Variants in STAM observed in about 807,000 individuals in gnomAD.
STAM encodes the protein signal transducing adaptor molecule.
A neutral mutation model predicts 63.4 loss-of-function variants in STAM; 16 were observed. The ratio of observed to expected loss-of-function variants is 0.25; its 90% CI spans 0.17 to 0.38. The LOEUF (loss-of-function observed/expected upper bound fraction) is 0.38. Ranked by LOEUF, STAM falls within the 10% of genes least tolerant of loss-of-function variation. The pLI, the probability that STAM is intolerant of heterozygous loss-of-function variation, is 1.00. For missense variants in STAM, 636 were observed against 657.1 expected (o/e 0.97, Z 0.35); for synonymous variants, 238 against 223.9 (o/e 1.06, Z -0.56).
chr10:17,680,643 G>A (rs1554825242), intron 2 of STAM, among the ~76,000 whole-genome samples: 1 of 152,094 alleles, frequency 6.6e-6, no homozygotes, highest in Non-Finnish European at 1.5e-5. Context: ...CTTGGCTGGA[G>A]CAATCCTTCC....
intron 1 of STAM, among the ~76,000 whole-genome samples, chr10:17,659,741 G>T (rs1554822634): frequency 6.6e-6 from 1 of 151,828 alleles, no homozygotes; most frequent in East Asian, 1.9e-4. Flanking sequence ...GGGATTACAG[G>T]CATGAGCCAT....
Position 17,695,181 on chromosome 10 carries a change from C to T in STAM, c.668C>T (p.Ala223Val). 6.2e-7 allele frequency: 1 copy of T among 1,614,016 alleles called. No individual in the cohort carries two copies. The highest frequency in any genetic ancestry group is 1.7e-5 in the Admixed American group (1 of 60,006). Residue 223 changes from alanine (A) to valine (V), a missense_variant, in exon 7 of 14, where the codon GCT (alanine) becomes GTT (valine). By Grantham distance (64) the Ala-to-Val change is moderately conservative. Transcript: ENST00000377524. Reference sequence around the variant, plus strand: ...GTTCGTGCTATATATGACTTTGAAGCTGCTGAAGACAATGAACTTACTTTT... The same window carrying T: ...GTTCGTGCTATATATGACTTTGAAGTTGCTGAAGACAATGAACTTACTTTT... ...RKVRAIYDFE[A>V]AEDNELTFKA... is the part of the protein sequence containing the mutation.
At chr10:17,668,177 C>G (rs1459637435) in intron 2 of STAM, among the ~76,000 whole-genome samples, 2 of 152,150 alleles carry the variant, frequency 1.3e-5, no homozygotes, top group East Asian at 3.9e-4. Context: ...GATCCAGTAG[C>G]TAAAATAATT....
chr10:17,683,238 A>G (rs1451002916), intron 2 of STAM, among the ~76,000 whole-genome samples: 2 of 151,998 alleles, frequency 1.3e-5, no homozygotes, highest in East Asian at 3.9e-4. Context: ...ATCACAGCTC[A>G]CTGCATCCTC....
chr10:17,679,020 G>A (rs558457277), intron 2 of STAM, among the ~76,000 whole-genome samples: 24 of 152,132 alleles, frequency 1.6e-4, no homozygotes, highest in Non-Finnish European at 2.4e-4. Context: ...CCATTCTTTC[G>A]TTGATGGACA....
At chr10:17,705,559 A>G (rs199779874) in intron 11 of STAM, 29 bp from the exon 12 acceptor site, 202 of 1,598,602 alleles carry the variant, frequency 1.3e-4, no homozygotes, top group East Asian at 1.2e-3. Context: ...AGTAACAGCT[A>G]TGCTTCAAAT....
intron 6 of STAM, among the ~76,000 whole-genome samples, chr10:17,693,654 T>C (rs1835638756): frequency 6.6e-6 from 1 of 152,224 alleles, no homozygotes; most frequent in African/African-American, 2.4e-5. Context: ...TCGTGTGATA[T>C]ATCCATTAAC....
chr10:17,702,000 A>G (rs1208094420), intron 9 of STAM, among the ~76,000 whole-genome samples: 2 of 152,218 alleles, frequency 1.3e-5, no homozygotes, highest in Admixed American at 1.3e-4. Context: ...GACCACTGTC[A>G]TTCCATTCCA....
rs1487859661 is a variant in STAM, at chr10:17,687,936, AC to A, written c.298-90del. On this transcript the variant is annotated intron_variant, in intron 4 of 13. Coordinates refer to ENST00000377524, the MANE Select transcript of STAM (RefSeq NM_003473.4). ...CTATGCATAACTTGTGATTCAAAAA[AC>A]ATCACTTAATAACTTTACTATTTAA... The A allele has an allele frequency of 1.5e-5, 17 of 1,127,246 alleles. No homozygotes were observed. In the East Asian group the frequency reaches 2.1e-4, roughly 14 times the overall value. The allele number at this position is 1,127,246 out of a possible 1,614,324, so 69.8% of individuals were successfully genotyped here.
In STAM at chr10:17,663,195, T is replaced by C. The variant is rs79254368; in HGVS notation, c.125+2647T>C. Reference sequence around the variant, plus strand: ...GTAGAGATCAATTTGTTTTTCTTAATGTTAACGTTATTCTCCCAGAAATGT... The same window carrying C: ...GTAGAGATCAATTTGTTTTTCTTAACGTTAACGTTATTCTCCCAGAAATGT... On this transcript the variant is annotated intron_variant, in intron 2 of 13. Transcript: ENST00000377524. Among the ~76,000 whole-genome samples the C allele has an allele frequency of 7.8e-3, 1,194 of 152,298 alleles. 13 individuals carry two copies. The highest frequency in any genetic ancestry group is 0.027 in the African/African-American group (1,130 of 41,572).
rs549594808 is a variant in STAM at position 17,675,386 on chromosome 10, C to A, written c.126-9289C>A. Among the ~76,000 whole-genome samples the A allele has an allele frequency of 1.1e-3, 172 of 151,990 alleles. 3 individuals carry two copies. The highest frequency in any genetic ancestry group is 4.0e-3 in the African/African-American group (166 of 41,424). On this transcript the variant is annotated intron_variant, in intron 2 of 13. Coordinates refer to ENST00000377524, the MANE Select transcript of STAM (RefSeq NM_003473.4). The stretch of plus-strand genomic sequence containing the variant: ...GAGTATGGTAGTGCCTGCCTGTTAT[C>A]TCAGCTACTTGGAAGGCTGAGGTGG...
At chr10:17,693,341 A>G in intron 6 of STAM, 29 bp downstream of exon 6, 2 of 1,534,302 alleles carry the variant, frequency 1.3e-6, no homozygotes, top group Non-Finnish European at 1.8e-6. Flanking sequence ...GATGGTGGGA[A>G]TAACATAAGC....
At chr10:17,664,340 A>G (rs1454976975) in intron 2 of STAM, among the ~76,000 whole-genome samples, 2 of 152,162 alleles carry the variant, frequency 1.3e-5, no homozygotes, top group East Asian at 1.9e-4. Flanking sequence ...AGGATTAAGT[A>G]TACTCACATG....
At chr10:17,660,608 A>G in intron 2 of STAM, 60 bp downstream of exon 2, 1 of 1,379,056 alleles carries the variant, frequency 7.3e-7, no homozygotes, top group Admixed American at 2.0e-5. Flanking sequence ...ACGAAAGGCC[A>G]GGTGCAGTGG....
chr10:17,713,131 C>A (rs1836632946), intron 13 of STAM, among the ~76,000 whole-genome samples: 1 of 152,158 alleles, frequency 6.6e-6, no homozygotes, highest in Non-Finnish European at 1.5e-5. Context: ...ATGCTTTCTT[C>A]ACTTGCTGGT....
At chr10:17,710,314 G>A (rs1269249898) in intron 13 of STAM, among the ~76,000 whole-genome samples, 2 of 152,174 alleles carry the variant, frequency 1.3e-5, no homozygotes, top group Admixed American at 6.5e-5. Flanking sequence ...GTGAAGTTCT[G>A]TAGCGCTGTG....
intron 2 of STAM, among the ~76,000 whole-genome samples, chr10:17,675,024 T>C (rs1834788902): frequency 6.6e-6 from 1 of 152,190 alleles, no homozygotes; most frequent in Non-Finnish European, 1.5e-5. Context: ...AAAAAATTGT[T>C]CTGTGTTGAA....
intron 2 of STAM, among the ~76,000 whole-genome samples, chr10:17,667,526 T>A (rs1311496783): frequency 6.6e-6 from 1 of 152,248 alleles, no homozygotes; most frequent in Non-Finnish European, 1.5e-5. Flanking sequence ...GCGTTCGTCA[T>A]TTTTTCTTTT....
chr10:17,707,453 C>T (rs1554829430), intron 12 of STAM, among the ~76,000 whole-genome samples: 1 of 151,824 alleles, frequency 6.6e-6, no homozygotes, highest in East Asian at 1.9e-4. Flanking sequence ...ACAAAACTAG[C>T]CAGATACTCC....
Sources: gnomAD v4.1 joint callset for allele counts (sites outside exome capture counted in the v4.1 genomes callset) on GRCh38, gnomAD v4.1.1 for gene constraint, MANE v1.5 for transcripts, NCBI Gene and HGNC (gene_info 2026-07-23, HGNC 2026-07-21) for gene names.